CLIP2: variants seen among roughly 807,000 people sequenced by gnomAD.
CLIP2 encodes CAP-Gly domain-containing linker protein 2.
In CLIP2, 41 loss-of-function variants were observed where a neutral mutation model predicts 111.7. That is an observed-to-expected ratio of 0.37 (90% confidence interval 0.29 to 0.48). CLIP2 has a LOEUF of 0.48. CLIP2 is among the 20% of genes least tolerant of loss of function. The pLI, the probability that CLIP2 is intolerant of heterozygous loss-of-function variation, is 0.99. For synonymous variants in CLIP2, 660 were observed against 644.2 expected, an observed-to-expected ratio of 1.02 and a Z score of -0.37; for missense variants, 1,160 against 1,422.1, an observed-to-expected ratio of 0.82 and a Z score of 2.96.
chr7:74,335,626 C>T (rs774287791), intron 2 of CLIP2, among the ~76,000 whole-genome samples: 8 of 149,772 alleles, frequency 5.3e-5, no homozygotes, highest in Non-Finnish European at 9.0e-5. Context: ...AGGTGTGAGC[C>T]ACTGTGCCTG....
intron 4 of CLIP2, among the ~76,000 whole-genome samples, chr7:74,354,328 G>A (rs1171489491): frequency 6.6e-6 from 1 of 152,100 alleles, no homozygotes; most frequent in African/African-American, 2.4e-5. Context: ...AAAAAGGAGA[G>A]GGAGGCTGCG....
intron 10 of CLIP2, among the ~76,000 whole-genome samples, chr7:74,379,782 A>G (rs1231185372): frequency 6.6e-6 from 1 of 150,908 alleles, no homozygotes; most frequent in African/African-American, 2.4e-5. Context: ...TAATAATAAA[A>G]AAACCCCAAA....
rs552426467 is a variant in CLIP2 at position 74,346,784 on chromosome 7, A to G, written c.679-7096A>G. 3.3e-3 allele frequency among the ~76,000 whole-genome samples: 504 copies of G among 151,602 alleles called. 5 individuals carry two copies. Among genetic ancestry groups the G allele is most frequent in the African/African-American group, 0.011 (467 of 41,326 alleles). On this transcript the variant is annotated intron_variant, in intron 3 of 16. Transcript: ENST00000223398. ...CACAGTGGCTCACACTTGTAATCCA[A>G]GCACTTTGGGAAGCTGAGGTGGGAG...
intron 1 of CLIP2, among the ~76,000 whole-genome samples, chr7:74,306,880 C>G (rs552466183): frequency 6.6e-6 from 1 of 152,302 alleles, no homozygotes; most frequent in Non-Finnish European, 1.5e-5. Context: ...GGGCTCACAG[C>G]CACTCGGAGA....
chr7:74,299,895 C>T (rs1202508746), intron 1 of CLIP2, among the ~76,000 whole-genome samples: 1 of 151,642 alleles, frequency 6.6e-6, no homozygotes, highest in Non-Finnish European at 1.5e-5. Context: ...CAGGGTTTCT[C>T]CATGTTGGTT....
chr7:74,375,695 T>C (rs1157363409), intron 9 of CLIP2, among the ~76,000 whole-genome samples, 192 bp from the exon 10 acceptor site: 2 of 151,990 alleles, frequency 1.3e-5, no homozygotes, highest in East Asian at 1.9e-4. Flanking sequence ...TTCTGGATAC[T>C]GTGATGGGCC....
intron 2 of CLIP2, among the ~76,000 whole-genome samples, chr7:74,323,254 G>A (rs1015237078): frequency 6.6e-6 from 1 of 151,632 alleles, no homozygotes; most frequent in East Asian, 1.9e-4. Flanking sequence ...GGGACCATAG[G>A]CAGGTGCCAC....
intron 6 of CLIP2, among the ~76,000 whole-genome samples, chr7:74,357,838 C>T (rs1790192604): frequency 6.6e-6 from 1 of 151,452 alleles, no homozygotes; most frequent in Admixed American, 6.6e-5. Flanking sequence ...CTCACTGCAA[C>T]CTCCACCTCC....
At position 74,295,989 on chromosome 7, in the gene CLIP2, C is replaced by CAAAAA. The variant is rs368834820; in HGVS notation, c.-68+6271_-68+6275dup. ...GGATGACAGAGTGAAACCCTGTCTCCAAAAAAAAAAAAAAAAAAAAGCGTT... is the reference window on the plus strand; with the variant it reads ...GGATGACAGAGTGAAACCCTGTCTCCAAAAAAAAAAAAAAAAAAAAAAAAAGCGTT... On this transcript the variant is annotated intron_variant, in intron 1 of 16. Coordinates refer to ENST00000223398, the MANE Select transcript of CLIP2 (RefSeq NM_003388.5). Among the ~76,000 whole-genome samples the CAAAAA allele has an allele frequency of 2.0e-4, 14 of 70,968 alleles. 1 individual carries two copies. Among genetic ancestry groups the CAAAAA allele is most frequent in the African/African-American group, 5.0e-4 (12 of 24,062 alleles). The allele number at this position is 70,968 out of a possible 152,430, so 46.6% of individuals were successfully genotyped here.
intron 2 of CLIP2, among the ~76,000 whole-genome samples, chr7:74,333,474 T>C (rs1554731653): frequency 6.7e-6 from 1 of 148,896 alleles, no homozygotes; most frequent in Non-Finnish European, 1.5e-5. Context: ...ATGAGCCACC[T>C]TGCCCAGCCT....
chr7:74,401,670 C>A, intron 16 of CLIP2, 103 bp downstream of exon 16: 22 of 1,216,296 alleles, frequency 1.8e-5, no homozygotes, highest in Non-Finnish European at 2.4e-5. Flanking sequence ...ATGCATTCTG[C>A]AAGAAGCTTT....
At chr7:74,309,354 T>C (rs1170782001) in intron 1 of CLIP2, among the ~76,000 whole-genome samples, 1 of 152,106 alleles carries the variant, frequency 6.6e-6, no homozygotes, top group East Asian at 2.0e-4. Flanking sequence ...AGTATAAACA[T>C]AGAGTTGTGC....
intron 2 of CLIP2, among the ~76,000 whole-genome samples, chr7:74,331,033 C>T (rs190089727): frequency 7.7e-4 from 117 of 151,470 alleles, no homozygotes; most frequent in East Asian, 1.7e-3. Flanking sequence ...GGCAAAACCC[C>T]GTCTCTACCA....
Position 74,376,283 on chromosome 7 carries a change from C to G in CLIP2, c.1882C>G (p.Leu628Val). Residue 628 changes from leucine to valine, a missense_variant, in exon 10 of 17, where the codon CTG (leucine) becomes GTG (valine). Leu to Val is a conservative substitution (Grantham distance 32). Transcript: ENST00000223398. This position sits in a 1 kb window ranked among gnomAD's most constrained non-coding sequence, Gnocchi z 7.1. The part of the protein sequence containing the change: ...DSLASDHQKS[L>V]EDLKATLNSG... ...GCTGGCCTCGGACCACCAGAAGTCC[C>G]TGGAGGACCTCAAAGCCACCCTGAA... 9 of 1,613,690 alleles carry G rather than the reference C, an allele frequency of 5.6e-6. No individual in the cohort carries two copies. The highest frequency in any genetic ancestry group is 7.6e-6 in the Non-Finnish European group (9 of 1,179,910).
chr7:74,360,212 G>A lies in CLIP2; in HGVS notation c.1253G>A (p.Arg418Gln), dbSNP rs1195647829. ...GCCGAGGAGAAGCTGCAGCGAGCCC[G>A]GCTGCTCGTGGAGAGCGTGCGGAAA... ...AEAEEKLQRA[R>Q]LLVESVRKEK... Residue 418 changes from arginine (R) to glutamine (Q), a missense_variant, in exon 7 of 17, where the codon CGG becomes CAG. By Grantham distance (43) the Arg-to-Gln change is conservative (BLOSUM62 1). This residue lies in a region of CLIP2 where 70 missense variants were observed against 114.9 expected (regional missense o/e 0.61). Coordinates refer to ENST00000223398, the MANE Select transcript of CLIP2 (RefSeq NM_003388.5). 1.1e-5 allele frequency: 18 copies of A among 1,607,948 alleles called. No homozygotes were observed. The highest frequency in any genetic ancestry group is 4.0e-5 in the African/African-American group (3 of 74,856).
intron 11 of CLIP2, among the ~76,000 whole-genome samples, chr7:74,383,597 A>G (rs192393792): frequency 2.6e-5 from 4 of 152,336 alleles, no homozygotes; most frequent in Admixed American, 2.6e-4. Flanking sequence ...ATAACATACA[A>G]TCAGCCATTT....
chr7:74,362,168 C>T (rs1039473599), intron 7 of CLIP2, among the ~76,000 whole-genome samples: 3 of 152,014 alleles, frequency 2.0e-5, no homozygotes, highest in Admixed American at 6.6e-5. Context: ...AGACACCAGG[C>T]GGTGGGGACT....
At chr7:74,360,526 G>A (rs781858683) in intron 7 of CLIP2, among the ~76,000 whole-genome samples, 4 of 152,178 alleles carry the variant, frequency 2.6e-5, no homozygotes, top group Admixed American at 2.0e-4. Context: ...CACCCAGCAC[G>A]GTGCCGGGCA....
At chr7:74,348,382 G>A (rs547166411) in intron 3 of CLIP2, among the ~76,000 whole-genome samples, 2 of 152,218 alleles carry the variant, frequency 1.3e-5, no homozygotes, top group East Asian at 3.9e-4. Context: ...GTGGCTGGGT[G>A]ACGTGGCTCA....
Sources: gnomAD v4.1 joint callset for allele counts (sites outside exome capture counted in the v4.1 genomes callset) on GRCh38, gnomAD v4.1.1 for gene constraint, gnomAD v4.1.1 regional missense constraint, Gnocchi (gnomAD v3.1) non-coding constraint, MANE v1.5 for transcripts, NCBI Gene and HGNC (gene_info 2026-07-23, HGNC 2026-07-21) for gene names.